Variants in PTPRD observed in about 807,000 individuals in gnomAD.
PTPRD encodes the protein protein tyrosine phosphatase receptor type D.
In PTPRD, 34 loss-of-function variants were observed where a neutral mutation model predicts 214.5. The observed-to-expected ratio is 0.16, with a 90% CI of 0.12 to 0.21. PTPRD has a LOEUF of 0.21. Ranked by LOEUF, PTPRD falls within the 10% of genes least tolerant of loss-of-function variation. PTPRD has a pLI of 1.00. For missense variants in PTPRD, 2,545 were observed against 2,398.7 expected (o/e 1.06, Z -1.27); for synonymous variants, 1,128 against 845.7 (o/e 1.33, Z -5.79).
At chr9:8,781,264 C>T (rs2095684896) in intron 11 of PTPRD, among the ~76,000 whole-genome samples, 1 of 152,166 alleles carries the variant, frequency 6.6e-6, no homozygotes, top group Non-Finnish European at 1.5e-5. Flanking sequence ...TCTTAAGAGT[C>T]AGGGGGCTGC....
chr9:8,732,287 C>T (rs373827495), intron 12 of PTPRD, among the ~76,000 whole-genome samples: 16 of 152,218 alleles, frequency 1.1e-4, no homozygotes, highest in African/African-American at 3.9e-4. Context: ...CATGGACGTA[C>T]AATAATTATA....
intron 9 of PTPRD, among the ~76,000 whole-genome samples, chr9:9,275,658 T>A (rs1220778944): frequency 2.6e-5 from 4 of 151,174 alleles, no homozygotes; most frequent in Non-Finnish European, 5.9e-5. Flanking sequence ...CCCAGAATAT[T>A]GTCTTTCTAA....
intron 12 of PTPRD, among the ~76,000 whole-genome samples, chr9:8,686,763 G>A (rs531894145): frequency 6.6e-6 from 1 of 152,278 alleles, no homozygotes; most frequent in South Asian, 2.1e-4. Context: ...ATGAGTCACT[G>A]AAACTACATA....
intron 5 of PTPRD, among the ~76,000 whole-genome samples, chr9:9,831,108 A>T (rs1445270010): frequency 6.6e-6 from 1 of 151,938 alleles, no homozygotes. Flanking sequence ...GCAAAGCTTC[A>T]GGGTGTAGCA....
chr9:9,377,104 A>G (rs560009681), intron 9 of PTPRD, among the ~76,000 whole-genome samples: 101 of 152,244 alleles, frequency 6.6e-4, no homozygotes, highest in Non-Finnish European at 1.2e-3. Flanking sequence ...TTTAATTTCA[A>G]AAGGAGTTAA....
chr9:8,981,230 A>T lies in PTPRD; in HGVS notation c.-104+37467T>A, dbSNP rs552662441. Among the ~76,000 whole-genome samples the T allele has an allele frequency of 2.9e-5, 4 of 139,250 alleles. No homozygotes were observed. The East Asian group carries it at 7.7e-4, about 27-fold the overall frequency. 91.4% of individuals were successfully genotyped at this position (139,250 alleles called of 152,430 possible). ...TAATAAAGAGCTCAGCATAGAGATTAAAAAAAAAGAAGCTAGTACTACTTA... is the reference window on the plus strand; with the variant it reads ...TAATAAAGAGCTCAGCATAGAGATTTAAAAAAAAGAAGCTAGTACTACTTA... On this transcript the variant is annotated intron_variant, in intron 11 of 45. Transcript: ENST00000381196.
At chr9:8,680,071 T>G (rs2097522236) in intron 12 of PTPRD, among the ~76,000 whole-genome samples, 1 of 152,148 alleles carries the variant, frequency 6.6e-6, no homozygotes, top group African/African-American at 2.4e-5. Flanking sequence ...TTTTATATAT[T>G]AGATACTATG....
chr9:8,898,629 T>A (rs1396421625), intron 11 of PTPRD, among the ~76,000 whole-genome samples: 1 of 152,228 alleles, frequency 6.6e-6, no homozygotes, highest in Non-Finnish European at 1.5e-5. Flanking sequence ...CATCAACTAC[T>A]TTAATTGAGT....
chr9:9,717,570 A>T (rs1331683205), intron 7 of PTPRD, among the ~76,000 whole-genome samples: 2 of 152,322 alleles, frequency 1.3e-5, no homozygotes, highest in East Asian at 3.9e-4. Context: ...GTGTTTAACA[A>T]GTTAGTTTTG....
chr9:9,380,434 T>C (rs1209709142), intron 9 of PTPRD, among the ~76,000 whole-genome samples: 1 of 152,160 alleles, frequency 6.6e-6, no homozygotes, highest in Non-Finnish European at 1.5e-5. Flanking sequence ...ATGAGATGTT[T>C]TGATACAGGC....
chr9:9,995,324 C>A (rs547260490), intron 4 of PTPRD, among the ~76,000 whole-genome samples: 2 of 152,078 alleles, frequency 1.3e-5, no homozygotes, highest in Admixed American at 6.6e-5. Flanking sequence ...AAAAAGAGAA[C>A]AATCAAACAA....
chr9:9,277,577 CTTTA>C, intron 9 of PTPRD, among the ~76,000 whole-genome samples: 1 of 151,216 alleles, frequency 6.6e-6, no homozygotes, highest in Non-Finnish European at 1.5e-5. Context: ...AATTTTGTTG[CTTTA>C]TTTATTATAC....
At chr9:9,495,646 G>A (rs975408368) in intron 8 of PTPRD, among the ~76,000 whole-genome samples, 4 of 151,978 alleles carry the variant, frequency 2.6e-5, no homozygotes, top group Non-Finnish European at 5.9e-5. Context: ...TCCCCGCCCC[G>A]ACTCCCCTCT....
chr9:8,537,707 C>G lies in PTPRD; in HGVS notation c.353-8928G>C, dbSNP rs1049940905. Reference sequence around the variant, plus strand: ...CAGCTACCCACAGAGCATTCCAGAGCAAAGCTCCATTTTATGAAATATTCC... The same window carrying G: ...CAGCTACCCACAGAGCATTCCAGAGGAAAGCTCCATTTTATGAAATATTCC... On this transcript the variant is annotated intron_variant, in intron 14 of 45. Coordinates refer to ENST00000381196, the MANE Select transcript of PTPRD (RefSeq NM_002839.4). Among the ~76,000 whole-genome samples, 6 of 151,996 alleles carry G rather than the reference C, an allele frequency of 3.9e-5. No individual in the cohort carries two copies. The South Asian group carries it at 6.2e-4, about 16-fold the overall frequency.
chr9:8,457,058 G>A (rs1242517003), intron 33 of PTPRD, among the ~76,000 whole-genome samples: 2 of 152,058 alleles, frequency 1.3e-5, no homozygotes, highest in African/African-American at 4.8e-5. Flanking sequence ...ATTTTTTGTT[G>A]GAGTAGATGG....
At chr9:9,360,088 T>C (rs1361708416) in intron 9 of PTPRD, among the ~76,000 whole-genome samples, 3 of 151,250 alleles carry the variant, frequency 2.0e-5, no homozygotes, top group South Asian at 2.1e-4. Context: ...ACAAAAATGA[T>C]GTTTTCAAAT....
At chr9:8,702,282 G>T (rs2098105720) in intron 12 of PTPRD, among the ~76,000 whole-genome samples, 1 of 151,480 alleles carries the variant, frequency 6.6e-6, no homozygotes, top group African/African-American at 2.4e-5. Flanking sequence ...AATGCTCTGA[G>T]TGAGGTTTCT....
At chr9:9,558,389 C>T (rs1260725533) in intron 8 of PTPRD, among the ~76,000 whole-genome samples, 1 of 152,174 alleles carries the variant, frequency 6.6e-6, no homozygotes, top group African/African-American at 2.4e-5. Flanking sequence ...GACTAAGGCA[C>T]AGCCATATTC....
At chr9:10,304,223 C>A (rs988179313) in intron 3 of PTPRD, among the ~76,000 whole-genome samples, 1 of 152,056 alleles carries the variant, frequency 6.6e-6, no homozygotes, top group African/African-American at 2.4e-5. Flanking sequence ...GCCCTTCATG[C>A]AAAAACTCTC....
Sources: gnomAD v4.1 joint callset for allele counts (sites outside exome capture counted in the v4.1 genomes callset) on GRCh38, gnomAD v4.1.1 for gene constraint, MANE v1.5 for transcripts, NCBI Gene and HGNC (gene_info 2026-07-23, HGNC 2026-07-21) for gene names.